The following HOMER2 variants were observed in gnomAD, a reference collection of about 807,000 sequenced individuals.
HOMER2 encodes the protein homer protein homolog 2.
HOMER2 carries 27 observed loss-of-function variants against 47.0 expected under a neutral mutation model. The ratio of observed to expected loss-of-function variants is 0.57; its 90% CI spans 0.42 to 0.79. The LOEUF is 0.79. HOMER2 is among the 30% of genes least tolerant of loss of function. The probability of loss-of-function intolerance (pLI) is 0.00; values close to 1 mark genes in which losing one functional copy is unlikely to be tolerated. For synonymous variants in HOMER2, 161 were observed against 163.8 expected, an observed-to-expected ratio of 0.98 and a Z score of 0.13; for missense variants, 443 against 435.0, an observed-to-expected ratio of 1.02 and a Z score of -0.16.
intron 1 of HOMER2, among the ~76,000 whole-genome samples, chr15:82,935,115 C>T (rs926826179): frequency 2.0e-5 from 3 of 152,206 alleles, no homozygotes; most frequent in Non-Finnish European, 4.4e-5. Context: ...CCTCACACCT[C>T]GCCTGCTGCA....
exon 2 of HOMER2, chr15:82,839,145 G>A (rs2051153344): frequency 6.6e-6 from 1 of 152,066 alleles, no homozygotes; most frequent in African/African-American, 2.4e-5. Context: ...TCTGAGATTA[G>A]CTTTTACCCC....
At chr15:82,960,416 G>A (rs999944183) in intron 1 of HOMER2, among the ~76,000 whole-genome samples, 5 of 152,070 alleles carry the variant, frequency 3.3e-5, no homozygotes, top group African/African-American at 1.2e-4. Context: ...TGGGGCTGAG[G>A]GTGATATTGA....
At chr15:82,841,771 C>T in exon 2 of HOMER2, 1 of 152,120 alleles carries the variant, frequency 6.6e-6, no homozygotes, top group Non-Finnish European at 1.5e-5. Flanking sequence ...AATCAATAAC[C>T]AATCGCCAAG....
At chr15:82,976,924 C>T (rs569783429) in intron 1 of HOMER2, among the ~76,000 whole-genome samples, 1 of 152,150 alleles carries the variant, frequency 6.6e-6, no homozygotes, top group African/African-American at 2.4e-5. Flanking sequence ...GATCTGCCCC[C>T]CTCGGCCTCC....
At chr15:82,903,980 T>A (rs1308420462) in intron 1 of HOMER2, among the ~76,000 whole-genome samples, 1 of 151,574 alleles carries the variant, frequency 6.6e-6, no homozygotes, top group Non-Finnish European at 1.5e-5. Context: ...CTACTAAAAA[T>A]ACAAAAATTA....
rs550579282 is a variant in HOMER2, at chr15:82,941,016, C to T, written c.5+11515G>A. 2.0e-5 allele frequency among the ~76,000 whole-genome samples: 3 copies of T among 152,276 alleles called. No homozygotes were observed. In the East Asian group the frequency reaches 5.8e-4, roughly 29 times the overall value. On this transcript the variant is annotated intron_variant, in intron 1 of 8. Coordinates refer to ENST00000450735, the MANE Select transcript of HOMER2 (RefSeq NM_004839.4). ...GCCTCAGATCCATTACAGAGCAAGG[C>T]AAGGTTTACATTATATAAATCTGCT...
At chr15:82,876,549 T>C (rs1211098277) in intron 2 of HOMER2, among the ~76,000 whole-genome samples, 2 of 152,012 alleles carry the variant, frequency 1.3e-5, no homozygotes, top group African/African-American at 2.4e-5. Context: ...TCAGGAAAAA[T>C]ACTCTTGGAA....
chr15:82,877,117 G>A (rs1047897290), intron 2 of HOMER2, among the ~76,000 whole-genome samples: 3 of 152,128 alleles, frequency 2.0e-5, no homozygotes, highest in African/African-American at 7.2e-5. Flanking sequence ...CTATGCATAC[G>A]ACTATTCCTT....
At chr15:82,863,219 T>C (rs549861307) in intron 4 of HOMER2, among the ~76,000 whole-genome samples, 10 of 152,152 alleles carry the variant, frequency 6.6e-5, no homozygotes, top group African/African-American at 2.4e-4. Flanking sequence ...GGCCCAGCTA[T>C]TCTCTCCTTC....
At chr15:82,931,094 C>T (rs1371173270) in intron 1 of HOMER2, among the ~76,000 whole-genome samples, 7 of 148,880 alleles carry the variant, frequency 4.7e-5, no homozygotes, top group Admixed American at 4.6e-4. Flanking sequence ...CAGAACAAGA[C>T]ACTGTATCAA....
At chr15:82,881,088 A>G (rs1182585005) in intron 2 of HOMER2, among the ~76,000 whole-genome samples, 1 of 152,248 alleles carries the variant, frequency 6.6e-6, no homozygotes, top group Non-Finnish European at 1.5e-5. Context: ...CACCCCAGGC[A>G]TAAGCTTCAT....
intron 1 of HOMER2, among the ~76,000 whole-genome samples, chr15:82,946,695 T>C (rs1328147962): frequency 6.6e-6 from 1 of 152,144 alleles, no homozygotes; most frequent in Non-Finnish European, 1.5e-5. Flanking sequence ...GTGTATTTTA[T>C]TAAAAAAACA....
chr15:82,979,405 C>A (rs1392307080), intron 1 of HOMER2, among the ~76,000 whole-genome samples: 1 of 152,152 alleles, frequency 6.6e-6, no homozygotes, highest in East Asian at 1.9e-4. Context: ...TCAAGCTACT[C>A]TGAGCTAGCC....
At chr15:82,927,021 G>A (rs1387777420) in intron 1 of HOMER2, among the ~76,000 whole-genome samples, 1 of 152,088 alleles carries the variant, frequency 6.6e-6, no homozygotes, top group Admixed American at 6.5e-5. Context: ...TTTAATGAGG[G>A]CTCTACTCCT....
At chr15:82,921,785 G>A (rs1206570571) in intron 1 of HOMER2, among the ~76,000 whole-genome samples, 1 of 152,154 alleles carries the variant, frequency 6.6e-6, no homozygotes, top group African/African-American at 2.4e-5. Context: ...CAGACTCTGG[G>A]CTCTGGTCTC....
intron 1 of HOMER2, among the ~76,000 whole-genome samples, chr15:82,911,583 CAA>C (rs1176223094): frequency 6.6e-6 from 1 of 152,204 alleles, no homozygotes; most frequent in Non-Finnish European, 1.5e-5. Flanking sequence ...AGACATACCT[CAA>C]AAGAGTGTTT....
At chr15:82,934,371 C>G (rs182981234) in intron 1 of HOMER2, among the ~76,000 whole-genome samples, 32 of 152,274 alleles carry the variant, frequency 2.1e-4, no homozygotes, top group African/African-American at 7.7e-4. Context: ...GTTCCTCAGC[C>G]TCTTCCACTC....
At chr15:82,977,435 C>T (rs1214335591) in intron 1 of HOMER2, among the ~76,000 whole-genome samples, 1 of 152,184 alleles carries the variant, frequency 6.6e-6, no homozygotes, top group African/African-American at 2.4e-5. Context: ...TCATATTTGC[C>T]AACTGCTTAA....
chr15:82,934,605 G>A (rs778290566), intron 1 of HOMER2, among the ~76,000 whole-genome samples: 36 of 152,156 alleles, frequency 2.4e-4, no homozygotes, highest in Non-Finnish European at 2.8e-4. Context: ...CTTCCTGGGA[G>A]GGCCCATGTC....
Sources: gnomAD v4.1 joint callset for allele counts (sites outside exome capture counted in the v4.1 genomes callset) on GRCh38, gnomAD v4.1.1 for gene constraint, MANE v1.5 for transcripts, NCBI Gene and HGNC (gene_info 2026-07-23, HGNC 2026-07-21) for gene names.